The following ZNF469 variants were observed in gnomAD, a reference collection of about 807,000 sequenced individuals.
ZNF469 encodes zinc finger protein 469.
Under a neutral mutation model 1.0 loss-of-function variants are expected in ZNF469, and 1 was observed. That is an observed-to-expected ratio of 1.00 (90% CI 0.35 to 4.73). ZNF469 has a LOEUF of 4.73. Ranked by LOEUF, ZNF469 falls within the 30% of genes most tolerant of loss-of-function variation. ZNF469 has a pLI of 0.16. For missense variants in ZNF469, 6,100 were observed against 5,356.3 expected (o/e 1.14, Z -4.33); for synonymous variants, 2,703 against 2,363.4 (o/e 1.14, Z -4.17).
At chr16:88,300,110 C>T in the ZNF469 span, among the ~76,000 whole-genome samples, 1 of 152,346 alleles carries the variant, frequency 6.6e-6, no homozygotes, top group South Asian at 2.1e-4. Context: ...CCTTGATTGC[C>T]TGACCTGGGA....
chr16:88,247,273 G>C, the ZNF469 span, among the ~76,000 whole-genome samples: 4 of 150,878 alleles, frequency 2.7e-5, no homozygotes, highest in Non-Finnish European at 4.4e-5. Context: ...GAAAGAGTGA[G>C]TGAGTAAATG....
chr16:88,375,380 C>T, the ZNF469 span, among the ~76,000 whole-genome samples: 4 of 152,248 alleles, frequency 2.6e-5, no homozygotes, highest in East Asian at 5.8e-4. Flanking sequence ...TGAACCCGGA[C>T]GTCTGCTACG....
chr16:88,266,053 G>A, the ZNF469 span, among the ~76,000 whole-genome samples: 1 of 152,264 alleles, frequency 6.6e-6, no homozygotes, highest in Non-Finnish European at 1.5e-5. Context: ...GCTTCCTGGA[G>A]GGCCCCTGCC....
chr16:88,220,758 A>G, the ZNF469 span, among the ~76,000 whole-genome samples: 7 of 148,642 alleles, frequency 4.7e-5, no homozygotes, highest in African/African-American at 1.7e-4. Flanking sequence ...GCCACCGTAT[A>G]GCACAGACCT....
the ZNF469 span, among the ~76,000 whole-genome samples, chr16:88,325,157 C>T: frequency 8.6e-3 from 777 of 90,310 alleles, 2 homozygotes; most frequent in South Asian, 0.057. Context: ...ACAGCAGCTG[C>T]GACATACACA....
chr16:88,273,570 C>T, the ZNF469 span, among the ~76,000 whole-genome samples: 837 of 152,266 alleles, frequency 5.5e-3, 8 homozygotes, highest in African/African-American at 0.018. Flanking sequence ...TAAATGGCAC[C>T]GCATCTGTGG....
the ZNF469 span, among the ~76,000 whole-genome samples, chr16:88,252,719 G>T: frequency 4.1e-3 from 629 of 152,220 alleles, 4 homozygotes; most frequent in African/African-American, 0.014. Context: ...TATTACTGAA[G>T]CATAACTTAC....
chr16:88,322,302 C>T, the ZNF469 span, among the ~76,000 whole-genome samples: 1 of 152,240 alleles, frequency 6.6e-6, no homozygotes, highest in Non-Finnish European at 1.5e-5. Flanking sequence ...GCCCCACGGC[C>T]GCTCTGGGAG....
chr16:88,203,137 G>A, the ZNF469 span, among the ~76,000 whole-genome samples: 2 of 152,174 alleles, frequency 1.3e-5, no homozygotes, highest in African/African-American at 4.8e-5. Flanking sequence ...GCTCGGAGTG[G>A]GAAGGGCAGA....
At chr16:88,301,358 G>GT in the ZNF469 span, among the ~76,000 whole-genome samples, 1 of 152,124 alleles carries the variant, frequency 6.6e-6, no homozygotes, top group Non-Finnish European at 1.5e-5. Flanking sequence ...GTCTCACCAT[G>GT]TTAGCCAGGA....
chr16:88,331,216 TCACCAC>T, the ZNF469 span, among the ~76,000 whole-genome samples: 2 of 131,604 alleles, frequency 1.5e-5, no homozygotes, highest in Non-Finnish European at 3.4e-5. Flanking sequence ...ATCACAACCG[TCACCAC>T]CACCACCATC....
the ZNF469 span, among the ~76,000 whole-genome samples, chr16:88,333,363 G>A: frequency 2.6e-5 from 1 of 38,596 alleles, no homozygotes; most frequent in African/African-American, 1.1e-4. Flanking sequence ...GAGAAGGCTC[G>A]GACTTGCTGA....
At chr16:88,264,443 G>A in the ZNF469 span, among the ~76,000 whole-genome samples, 526 of 151,798 alleles carry the variant, frequency 3.5e-3, 3 homozygotes, top group Middle Eastern at 6.8e-3. Context: ...CCTCCTGTCT[G>A]CTGGCTCCAG....
chr16:88,369,975 G>C, the ZNF469 span, among the ~76,000 whole-genome samples: 1 of 152,174 alleles, frequency 6.6e-6, no homozygotes, highest in Non-Finnish European at 1.5e-5. Flanking sequence ...TAATTGCATT[G>C]TTTTCCTGTT....
the ZNF469 span, among the ~76,000 whole-genome samples, chr16:88,246,770 T>G: frequency 6.6e-6 from 1 of 152,052 alleles, no homozygotes; most frequent in Non-Finnish European, 1.5e-5. Context: ...AGTGAGTGAA[T>G]CAGTGAGTGA....
chr16:88,366,342 C>A, the ZNF469 span, among the ~76,000 whole-genome samples: 1 of 151,790 alleles, frequency 6.6e-6, no homozygotes, highest in Non-Finnish European at 1.5e-5. Flanking sequence ...CTGTCACCAC[C>A]ACCATCATCA....
chr16:88,140,370 C>G, the ZNF469 span, among the ~76,000 whole-genome samples: 1 of 148,224 alleles, frequency 6.7e-6, no homozygotes, highest in Non-Finnish European at 1.5e-5. Flanking sequence ...ACGTAGAAAT[C>G]GGGGGGTAGC....
chr16:88,159,127 T>C, the ZNF469 span, among the ~76,000 whole-genome samples: 5 of 9,000 alleles, frequency 5.6e-4, no homozygotes, highest in Non-Finnish European at 1.1e-3. Context: ...GTGCAGACCA[T>C]TCTCACCGTC....
At chr16:88,409,750 G>A (rs957274117) in intron 1 of ZNF469, among the ~76,000 whole-genome samples, 27 of 152,140 alleles carry the variant, frequency 1.8e-4, no homozygotes, top group African/African-American at 4.8e-4. Flanking sequence ...AAAGCAGGCC[G>A]GGGCCCACAC....
Sources: allele counts gnomAD v4.1 joint callset (sites outside exome capture counted in the v4.1 genomes callset), GRCh38; gene constraint gnomAD v4.1.1; transcripts MANE v1.5; gene names NCBI Gene and HGNC (gene_info 2026-07-23, HGNC 2026-07-21).